The following ADARB2 variants were observed in gnomAD, a reference collection of about 807,000 sequenced individuals.
ADARB2 encodes inactive double-stranded RNA-specific editase B2.
Under a neutral mutation model 62.2 loss-of-function variants are expected in ADARB2, and 25 were observed. That is an observed-to-expected ratio of 0.40 (90% CI 0.29 to 0.56). ADARB2 has a LOEUF of 0.56. Among genes scored for constraint, ADARB2 ranks in the 20% least tolerant of loss-of-function variants. The pLI, the probability that ADARB2 is intolerant of heterozygous loss-of-function variation, is 0.43. For synonymous variants in ADARB2, 572 were observed against 500.8 expected (o/e 1.14, Z -1.90); for missense variants, 1,071 against 1,077.4 (o/e 0.99, Z 0.08).
At chr10:1,253,156 A>ACATGT (rs1341694219) in intron 4 of ADARB2, among the ~76,000 whole-genome samples, 7 of 152,234 alleles carry the variant, frequency 4.6e-5, no homozygotes, top group Non-Finnish European at 1.0e-4. Context: ...GAAGTTCTTA[A>ACATGT]CATGTGCCTG....
intron 3 of ADARB2, among the ~76,000 whole-genome samples, chr10:1,300,348 T>C (rs11250392): frequency 0.54 from 82,171 of 151,826 alleles, 24,327 homozygotes; most frequent in East Asian, 0.92. Flanking sequence ...CAGTGACGGC[T>C]GCTCCCAGCC....
At chr10:1,695,265 C>A (rs1391785159) in intron 1 of ADARB2, among the ~76,000 whole-genome samples, 1 of 152,122 alleles carries the variant, frequency 6.6e-6, no homozygotes, top group African/African-American at 2.4e-5. Context: ...CTCTGCAGAA[C>A]CGACCAGGCC....
intron 1 of ADARB2, among the ~76,000 whole-genome samples, chr10:1,620,938 C>A (rs894956081): frequency 1.3e-5 from 2 of 152,212 alleles, no homozygotes; most frequent in African/African-American, 4.8e-5. Context: ...CTTAACAACT[C>A]TGAGTACAAT....
chr10:1,255,790 C>T lies in ADARB2; in HGVS notation c.1193-13491G>A, dbSNP rs374035766. Among the ~76,000 whole-genome samples the T allele has an allele frequency of 2.0e-4, 31 of 152,018 alleles. 1 individual carries two copies. The highest frequency in any genetic ancestry group is 6.5e-4 in the African/African-American group (27 of 41,446). On this transcript the variant is annotated intron_variant, in intron 4 of 9. Coordinates refer to ENST00000381312, the MANE Select transcript of ADARB2 (RefSeq NM_018702.4). This position sits in a 1 kb window ranked among gnomAD's most constrained non-coding sequence, Gnocchi z 4.7. ...GGGGATCCCTCCCAAACAGGTCACA[C>T]GTGTGTCTGTGACTCATGGTGGGTC... is the stretch of plus-strand genomic sequence containing the variant.
At chr10:1,422,409 C>T (rs1056109800) in intron 1 of ADARB2, among the ~76,000 whole-genome samples, 1 of 152,192 alleles carries the variant, frequency 6.6e-6, no homozygotes, top group South Asian at 2.1e-4. Context: ...CAGCGGCTCA[C>T]GCTTTGGAGA....
intron 3 of ADARB2, among the ~76,000 whole-genome samples, chr10:1,355,001 C>T (rs985581455): frequency 1.3e-5 from 2 of 152,214 alleles, no homozygotes; most frequent in African/African-American, 2.4e-5. Flanking sequence ...TGACCCGATC[C>T]TCTCCAGCTT....
At chr10:1,660,315 T>C (rs1834229267) in intron 1 of ADARB2, among the ~76,000 whole-genome samples, 1 of 152,242 alleles carries the variant, frequency 6.6e-6, no homozygotes, top group South Asian at 2.1e-4. Context: ...CAACAAACAT[T>C]TATTGAGCAT....
At chr10:1,350,132 T>C (rs1369919778) in intron 3 of ADARB2, among the ~76,000 whole-genome samples, 2 of 152,200 alleles carry the variant, frequency 1.3e-5, no homozygotes, top group Non-Finnish European at 2.9e-5. Context: ...ACAATGGCTC[T>C]AAATGACCAG....
intron 1 of ADARB2, among the ~76,000 whole-genome samples, chr10:1,674,170 A>T (rs1233040080): frequency 6.6e-6 from 1 of 152,244 alleles, no homozygotes; most frequent in African/African-American, 2.4e-5. Flanking sequence ...GCATTCCGTA[A>T]TGTGTGCACC....
At chr10:1,231,013 A>G (rs928205110) in intron 6 of ADARB2, among the ~76,000 whole-genome samples, 2 of 152,192 alleles carry the variant, frequency 1.3e-5, no homozygotes, top group African/African-American at 4.8e-5. Context: ...ACATTGCAGT[A>G]GAAAGTGAGG....
At chr10:1,600,661 C>CAAAAAAAAAA (rs71379153) in intron 1 of ADARB2, among the ~76,000 whole-genome samples, 2 of 70,668 alleles carry the variant, frequency 2.8e-5, no homozygotes, top group African/African-American at 1.2e-4. Flanking sequence ...GACTCTGTCT[C>CAAAAAAAAAA]AAAAAAAAAA....
At chr10:1,428,567 A>G (rs1793231146) in intron 1 of ADARB2, among the ~76,000 whole-genome samples, 1 of 152,134 alleles carries the variant, frequency 6.6e-6, no homozygotes, top group Non-Finnish European at 1.5e-5. Context: ...GATTACAGGC[A>G]TGAACCACCA....
chr10:1,379,666 G>A (rs1832465102), intron 1 of ADARB2, among the ~76,000 whole-genome samples: 1 of 152,244 alleles, frequency 6.6e-6, no homozygotes, highest in Non-Finnish European at 1.5e-5. Context: ...TTTGGCAGAA[G>A]TAGAGGAGGG....
chr10:1,611,577 C>T (rs1294079588), intron 1 of ADARB2, among the ~76,000 whole-genome samples: 2 of 152,164 alleles, frequency 1.3e-5, no homozygotes, highest in Non-Finnish European at 2.9e-5. Flanking sequence ...ATCCTTAATG[C>T]ATCTTGGCCT....
At chr10:1,423,463 CG>C (rs1832867611) in intron 1 of ADARB2, among the ~76,000 whole-genome samples, 1 of 151,648 alleles carries the variant, frequency 6.6e-6, no homozygotes, top group Admixed American at 6.6e-5. Flanking sequence ...GTGGCTGCTG[CG>C]TGTTCATGGT....
chr10:1,553,806 A>G (rs1170245219), intron 1 of ADARB2, among the ~76,000 whole-genome samples: 2 of 152,212 alleles, frequency 1.3e-5, no homozygotes, highest in Admixed American at 1.3e-4. Context: ...TGGCAGGAAT[A>G]ACGAGCTACA....
intron 1 of ADARB2, among the ~76,000 whole-genome samples, chr10:1,615,867 G>A (rs1424500217): frequency 1.3e-5 from 2 of 152,204 alleles, no homozygotes; most frequent in Admixed American, 6.5e-5. Context: ...GCAACACTGT[G>A]TTGTAAACAC....
At chr10:1,337,062 C>CTCTGTGTGTTTGTGTG in intron 3 of ADARB2, among the ~76,000 whole-genome samples, 1 of 142,150 alleles carries the variant, frequency 7.0e-6, no homozygotes, top group African/African-American at 2.7e-5. Flanking sequence ...TTAAAGATTT[C>CTCTGTGTGTTTGTGTG]TGTGTGTGTG....
intron 3 of ADARB2, among the ~76,000 whole-genome samples, chr10:1,289,771 A>G (rs115222774): frequency 0.01 from 1,596 of 152,326 alleles, 35 homozygotes; most frequent in African/African-American, 0.036. Context: ...GGACCGCCCG[A>G]CCTTCACTCC....
Sources: allele counts gnomAD v4.1 joint callset (sites outside exome capture counted in the v4.1 genomes callset), GRCh38; gene constraint gnomAD v4.1.1; non-coding constraint Gnocchi (gnomAD v3.1); transcripts MANE v1.5; gene names NCBI Gene and HGNC (gene_info 2026-07-23, HGNC 2026-07-21).